The following ZMYM2 variants were observed in gnomAD, a reference collection of about 807,000 sequenced individuals.
ZMYM2 encodes zinc finger MYM-type protein 2.
In ZMYM2, 56 loss-of-function variants were observed where a neutral mutation model predicts 162.8. The ratio of observed to expected loss-of-function variants is 0.34; its 90% CI spans 0.28 to 0.43. The LOEUF (loss-of-function observed/expected upper bound fraction) is 0.43. Ranked by LOEUF, ZMYM2 falls within the 20% of genes least tolerant of loss-of-function variation. ZMYM2 has a pLI of 1.00. For synonymous variants in ZMYM2, 510 were observed against 541.6 expected (o/e 0.94, Z 0.81); for missense variants, 1,275 against 1,621.8 (o/e 0.79, Z 3.67).
At chr13:19,980,615 T>A (rs1013360858) in intron 2 of ZMYM2, among the ~76,000 whole-genome samples, 3 of 151,836 alleles carry the variant, frequency 2.0e-5, no homozygotes, top group Admixed American at 2.0e-4. Context: ...TAGCTGGGCA[T>A]GGTGGCAGGC....
At chr13:19,935,402 G>GCTCGCCAGAACACTACGAGCCACAGC in the ZMYM2 span, among the ~76,000 whole-genome samples, 720 of 151,888 alleles carry the variant, frequency 4.7e-3, 11 homozygotes, top group African/African-American at 0.017. Context: ...CTCCCAAAGT[G>GCTCGCCAGAACACTACGAGCCACAGC]TTGGGATTAC....
intron 21 of ZMYM2, among the ~76,000 whole-genome samples, chr13:20,076,469 G>T (rs1957511353): frequency 6.6e-6 from 1 of 150,474 alleles, no homozygotes; most frequent in African/African-American, 2.5e-5. Context: ...TTCCCAAAAT[G>T]TTTGAGGATC....
intron 3 of ZMYM2, among the ~76,000 whole-genome samples, chr13:20,002,521 G>GT (rs1429108835): frequency 6.6e-6 from 1 of 152,012 alleles, no homozygotes; most frequent in East Asian, 1.9e-4. Flanking sequence ...GACAAAACTT[G>GT]TATATTTATT....
At chr13:19,991,624 C>CTTTTTTTTTTTT (rs11413369) in intron 2 of ZMYM2, among the ~76,000 whole-genome samples, 5 of 131,358 alleles carry the variant, frequency 3.8e-5, no homozygotes, top group Admixed American at 8.0e-5. Context: ...TTTTCTTTTT[C>CTTTTTTTTTTTT]TTTTTTTTTT....
At chr13:19,931,120 A>C in the ZMYM2 span, among the ~76,000 whole-genome samples, 73 of 148,286 alleles carry the variant, frequency 4.9e-4, 1 homozygote, top group South Asian at 5.6e-3. Context: ...GCCTGGGTGA[A>C]AGAGCGAGAC....
intron 2 of ZMYM2, among the ~76,000 whole-genome samples, chr13:19,986,581 A>T (rs1443063325): frequency 6.6e-6 from 1 of 152,050 alleles, no homozygotes; most frequent in Non-Finnish European, 1.5e-5. Flanking sequence ...ATTTGAAAAA[A>T]AAATTTTTAA....
chr13:19,923,771 A>G, the ZMYM2 span, among the ~76,000 whole-genome samples: 1 of 148,296 alleles, frequency 6.7e-6, no homozygotes, highest in Non-Finnish European at 1.5e-5. Flanking sequence ...CCCGGGTTTA[A>G]GCGATTCTCC....
intron 6 of ZMYM2, among the ~76,000 whole-genome samples, chr13:20,017,365 C>T (rs893820544): frequency 6.6e-6 from 1 of 151,534 alleles, no homozygotes; most frequent in Admixed American, 6.6e-5. Flanking sequence ...CTGTATTTCA[C>T]CTACAGGTGT....
At chr13:19,925,035 C>T in the ZMYM2 span, among the ~76,000 whole-genome samples, 1 of 152,120 alleles carries the variant, frequency 6.6e-6, no homozygotes, top group Non-Finnish European at 1.5e-5. Flanking sequence ...CAGGCATGTG[C>T]CACCACACCA....
At chr13:20,074,557 G>A (rs1209746995) in intron 21 of ZMYM2, among the ~76,000 whole-genome samples, 1 of 123,444 alleles carries the variant, frequency 8.1e-6, no homozygotes, top group Non-Finnish European at 1.7e-5. Context: ...TTTTTTTTTT[G>A]AGACGGAGTC....
At chr13:19,903,869 AAAT>A in the ZMYM2 span, among the ~76,000 whole-genome samples, 1 of 152,000 alleles carries the variant, frequency 6.6e-6, no homozygotes, top group Admixed American at 6.6e-5. Flanking sequence ...TAAGAAAATT[AAAT>A]AATAATATTA....
chr13:19,947,922 C>G, the ZMYM2 span, among the ~76,000 whole-genome samples: 1 of 151,014 alleles, frequency 6.6e-6, no homozygotes, highest in Non-Finnish European at 1.5e-5. Context: ...CTTCTTCACT[C>G]TATGCCATGT....
At chr13:19,966,620 T>C (rs1459902516) in intron 2 of ZMYM2, among the ~76,000 whole-genome samples, 10 of 151,926 alleles carry the variant, frequency 6.6e-5, no homozygotes, top group Non-Finnish European at 1.0e-4. Context: ...TTTGTATTTT[T>C]AGTATAGACG....
chr13:20,035,924 C>T (rs963521581), intron 11 of ZMYM2, among the ~76,000 whole-genome samples: 1 of 152,054 alleles, frequency 6.6e-6, no homozygotes, highest in Admixed American at 6.5e-5. Context: ...TAGGATAGTA[C>T]ATAAATGATT....
At chr13:20,072,881 T>C (rs1957195481) in intron 21 of ZMYM2, among the ~76,000 whole-genome samples, 2 of 152,060 alleles carry the variant, frequency 1.3e-5, no homozygotes, top group South Asian at 4.1e-4. Flanking sequence ...TTCCTGATAC[T>C]GGTAATCTGT....
the ZMYM2 span, among the ~76,000 whole-genome samples, chr13:19,907,859 C>G: frequency 7.4e-5 from 11 of 148,520 alleles, no homozygotes; most frequent in East Asian, 2.2e-3. Flanking sequence ...AGACTTTATA[C>G]GAAAAGAGAA....
chr13:19,974,721 C>A (rs776625887), intron 2 of ZMYM2, among the ~76,000 whole-genome samples: 1 of 152,170 alleles, frequency 6.6e-6, no homozygotes, highest in South Asian at 2.1e-4. Context: ...CCACCCACCT[C>A]AGCCTCCCGA....
intron 7 of ZMYM2, among the ~76,000 whole-genome samples, chr13:20,021,572 C>G (rs1359566573): frequency 6.6e-6 from 1 of 152,120 alleles, no homozygotes; most frequent in Admixed American, 6.6e-5. Context: ...TTTGGTAGAG[C>G]AAACTTTAGC....
At chr13:19,898,833 A>G in the ZMYM2 span, among the ~76,000 whole-genome samples, 3 of 152,050 alleles carry the variant, frequency 2.0e-5, no homozygotes, top group African/African-American at 7.2e-5. Context: ...ATGCTGAGGC[A>G]TCAGATTGCT....
Sources: allele counts gnomAD v4.1 joint callset (sites outside exome capture counted in the v4.1 genomes callset), GRCh38; gene constraint gnomAD v4.1.1; transcripts MANE v1.5; gene names NCBI Gene and HGNC (gene_info 2026-07-23, HGNC 2026-07-21).